Variants in AGBL4 observed in about 807,000 individuals in gnomAD.
AGBL4 encodes the protein cytosolic carboxypeptidase 6.
In AGBL4, 58 loss-of-function variants were observed where a neutral mutation model predicts 66.4. That is an observed-to-expected ratio of 0.87 (90% CI 0.71 to 1.09). The LOEUF is 1.09. Ranked by LOEUF, AGBL4 falls within the 50% of genes least tolerant of loss-of-function variation. AGBL4 has a pLI of 0.00. For missense variants in AGBL4, 579 were observed against 631.0 expected (o/e 0.92, Z 0.88); for synonymous variants, 234 against 222.9 (o/e 1.05, Z -0.44).
chr1:49,245,089 T>G lies in AGBL4; in HGVS notation c.377+681A>C, dbSNP rs531875860. Among the ~76,000 whole-genome samples, 3 of 151,760 alleles carry G rather than the reference T, an allele frequency of 2.0e-5. No homozygotes were observed. In the East Asian group the frequency reaches 5.8e-4, roughly 29 times the overall value. On this transcript the variant is annotated intron_variant, in intron 4 of 13. Coordinates refer to ENST00000371839, the MANE Select transcript of AGBL4 (RefSeq NM_032785.4). Reference sequence around the variant, plus strand: ...TTCCTTTGCAAAAATGTGGAAATAGTAACAACAAATATAAAGCATCTGACC... The same window carrying G: ...TTCCTTTGCAAAAATGTGGAAATAGGAACAACAAATATAAAGCATCTGACC...
intron 5 of AGBL4, among the ~76,000 whole-genome samples, chr1:48,989,017 A>T (rs1660400410): frequency 6.6e-6 from 1 of 152,190 alleles, no homozygotes; most frequent in Non-Finnish European, 1.5e-5. Context: ...TTTAGAGATC[A>T]TCTGCTCTGT....
intron 3 of AGBL4, among the ~76,000 whole-genome samples, chr1:49,510,772 G>A (rs1258082021): frequency 6.6e-6 from 1 of 151,220 alleles, no homozygotes; most frequent in Non-Finnish European, 1.5e-5. Flanking sequence ...AAGGTGTAAG[G>A]AAGGGATCCA....
chr1:49,266,925 C>G (rs1411694233), intron 3 of AGBL4, among the ~76,000 whole-genome samples: 1 of 152,118 alleles, frequency 6.6e-6, no homozygotes, highest in Admixed American at 6.5e-5. Flanking sequence ...GAAAAAGCAC[C>G]TAAGGCTGCA....
intron 3 of AGBL4, among the ~76,000 whole-genome samples, chr1:49,469,378 A>C (rs1052858453): frequency 4.6e-5 from 7 of 151,984 alleles, no homozygotes; most frequent in Non-Finnish European, 7.4e-5. Flanking sequence ...TGTATCTTTC[A>C]GGATTATGAT....
chr1:49,690,387 T>A (rs1432390650), intron 3 of AGBL4, among the ~76,000 whole-genome samples: 1 of 152,180 alleles, frequency 6.6e-6, no homozygotes, highest in Non-Finnish European at 1.5e-5. Flanking sequence ...GTGTTTCAGT[T>A]TTTTTCTTGC....
intron 3 of AGBL4, among the ~76,000 whole-genome samples, chr1:49,512,820 C>A (rs532009341): frequency 6.6e-6 from 1 of 151,958 alleles, no homozygotes; most frequent in Admixed American, 6.6e-5. Flanking sequence ...ACAGGGCACA[C>A]AATCTCACCC....
chr1:49,562,811 T>G (rs1292571176), intron 3 of AGBL4, among the ~76,000 whole-genome samples: 1 of 152,156 alleles, frequency 6.6e-6, no homozygotes, highest in Non-Finnish European at 1.5e-5. Flanking sequence ...TGATTCCATA[T>G]GGACTTTAAA....
At chr1:49,665,549 T>C (rs959897371) in intron 3 of AGBL4, among the ~76,000 whole-genome samples, 1 of 152,180 alleles carries the variant, frequency 6.6e-6, no homozygotes, top group Non-Finnish European at 1.5e-5. Flanking sequence ...AATTTATAGA[T>C]ATCATTATAA....
At chr1:49,781,344 T>A (rs1257662886) in intron 2 of AGBL4, among the ~76,000 whole-genome samples, 1 of 152,054 alleles carries the variant, frequency 6.6e-6, no homozygotes, top group Non-Finnish European at 1.5e-5. Flanking sequence ...CAGTAAGCTA[T>A]GATCATACCA....
At chr1:49,615,096 T>A (rs1317960630) in intron 3 of AGBL4, among the ~76,000 whole-genome samples, 1 of 152,114 alleles carries the variant, frequency 6.6e-6, no homozygotes, top group East Asian at 1.9e-4. Context: ...GGGTTAACAG[T>A]CCAAATCTTA....
At chr1:48,546,125 T>C (rs1644154574) in intron 11 of AGBL4, among the ~76,000 whole-genome samples, 1 of 152,214 alleles carries the variant, frequency 6.6e-6, no homozygotes, top group South Asian at 2.1e-4. Flanking sequence ...CCGCAATGCA[T>C]ACAGTGTAGT....
At chr1:49,239,868 G>T (rs1395641785) in intron 4 of AGBL4, among the ~76,000 whole-genome samples, 2 of 152,044 alleles carry the variant, frequency 1.3e-5, no homozygotes, top group African/African-American at 2.4e-5. Flanking sequence ...TAGTTTGCTG[G>T]ATGGTAATAA....
intron 3 of AGBL4, among the ~76,000 whole-genome samples, chr1:49,679,788 T>C (rs1022670499): frequency 6.6e-6 from 1 of 152,140 alleles, no homozygotes; most frequent in Non-Finnish European, 1.5e-5. Context: ...ATACATAACT[T>C]ATCATAGTCT....
intron 3 of AGBL4, among the ~76,000 whole-genome samples, chr1:49,259,335 T>C (rs1013750010): frequency 6.6e-6 from 1 of 152,188 alleles, no homozygotes; most frequent in African/African-American, 2.4e-5. Context: ...ATGGACTAAA[T>C]GCTCCAATTA....
At chr1:49,054,012 T>C (rs989644810) in intron 4 of AGBL4, among the ~76,000 whole-genome samples, 6 of 152,114 alleles carry the variant, frequency 3.9e-5, no homozygotes, top group African/African-American at 1.4e-4. Context: ...ATAGAAGAAA[T>C]ATGATTGAAA....
At chr1:48,935,448 CT>C (rs1398971447) in intron 5 of AGBL4, among the ~76,000 whole-genome samples, 8 of 152,136 alleles carry the variant, frequency 5.3e-5, no homozygotes, top group Non-Finnish European at 1.0e-4. Context: ...TGCCGCACTG[CT>C]GCTCGTTATT....
chr1:49,841,541 C>G (rs1398147949), intron 2 of AGBL4, among the ~76,000 whole-genome samples: 1 of 151,910 alleles, frequency 6.6e-6, no homozygotes, highest in Non-Finnish European at 1.5e-5. Context: ...CCAAAGTAAT[C>G]CTAAGAAAAA....
intron 5 of AGBL4, among the ~76,000 whole-genome samples, chr1:49,001,633 C>T (rs1438070961): frequency 6.6e-6 from 1 of 152,178 alleles, no homozygotes; most frequent in Non-Finnish European, 1.5e-5. Flanking sequence ...TGAATATCTC[C>T]TTAACATCTC....
At chr1:49,396,340 A>ATG (rs897645022) in intron 3 of AGBL4, among the ~76,000 whole-genome samples, 2 of 149,804 alleles carry the variant, frequency 1.3e-5, no homozygotes, top group African/African-American at 4.9e-5. Context: ...TTGTGTATGA[A>ATG]TGTGTGTGTG....
Sources: gnomAD v4.1 joint callset for allele counts (sites outside exome capture counted in the v4.1 genomes callset) on GRCh38, gnomAD v4.1.1 for gene constraint, MANE v1.5 for transcripts, NCBI Gene and HGNC (gene_info 2026-07-23, HGNC 2026-07-21) for gene names.